Variants in UNC13B observed in about 807,000 individuals in gnomAD.
The protein encoded by UNC13B is protein unc-13 homolog B.
Under a neutral mutation model 211.0 loss-of-function variants are expected in UNC13B, and 144 were observed. The ratio of observed to expected loss-of-function variants is 0.68; its 90% CI spans 0.60 to 0.78. UNC13B has a LOEUF of 0.78. UNC13B is among the 30% of genes least tolerant of loss of function. The pLI, the probability that UNC13B is intolerant of heterozygous loss-of-function variation, is 0.00. For synonymous variants in UNC13B, 709 were observed against 725.8 expected, an observed-to-expected ratio of 0.98 and a Z score of 0.37; for missense variants, 1,777 against 2,002.0, an observed-to-expected ratio of 0.89 and a Z score of 2.14.
chr9:35,275,702 C>T (rs1008210296), intron 7 of UNC13B, among the ~76,000 whole-genome samples: 1 of 152,048 alleles, frequency 6.6e-6, no homozygotes, highest in African/African-American at 2.4e-5. Flanking sequence ...AAGTGATTCC[C>T]CTTCCTCAAC....
rs116072913 is a variant in UNC13B at position 35,162,124 on chromosome 9, G to A, written c.-160G>A. The A allele has an allele frequency of 6.2e-4, 683 of 1,105,100 alleles. 5 individuals carry two copies. In the African/African-American group the frequency reaches 9.9e-3, roughly 16 times the overall value. The allele number at this position is 1,105,100 out of a possible 1,614,324, so 68.5% of individuals were successfully genotyped here. On this transcript the variant is annotated 5_prime_UTR_variant, in exon 1 of 40. Coordinates refer to ENST00000635942, the MANE Select transcript of UNC13B (RefSeq NM_001371189.2). ...TCGCTCAGACGGTGAGATTTGGGGCGGGTCCGAGGCAGCGGCGGGACGCTA... is the reference window on the plus strand; with the variant it reads ...TCGCTCAGACGGTGAGATTTGGGGCAGGTCCGAGGCAGCGGCGGGACGCTA...
At chr9:35,326,612 C>G (rs746972837) in intron 11 of UNC13B, among the ~76,000 whole-genome samples, 6 of 152,152 alleles carry the variant, frequency 3.9e-5, no homozygotes, top group Non-Finnish European at 7.4e-5. Flanking sequence ...TGGTCTTCAA[C>G]TTCTGGGCTC....
Position 35,302,282 on chromosome 9 carries a change from G to A in UNC13B, c.2878G>A (p.Asp960Asn). The A allele has an allele frequency of 2.5e-6, 1 of 398,632 alleles. No individual in the cohort carries two copies. Among genetic ancestry groups the A allele is most frequent in the Non-Finnish European group, 4.4e-6 (1 of 225,772 alleles). 24.7% of individuals were successfully genotyped at this position (398,632 alleles called of 1,614,324 possible). Residue 960 changes from aspartate (D) to asparagine (N), a missense_variant, in exon 9 of 40, where the codon GAT (aspartate) becomes AAT (asparagine). Physicochemically the swap from Asp to Asn is conservative, Grantham distance 23. Coordinates refer to ENST00000635942, the MANE Select transcript of UNC13B (RefSeq NM_001371189.2). ...GAATGACCAGATAAATTGTCCTGAA[G>A]ATGCCAAACTTAATTCAATAAAATC... ...KKNDQINCPE[D>N]AKLNSIKSSS...
At chr9:35,378,153 A>G in intron 16 of UNC13B, 142 bp from the exon 17 acceptor site, 1 of 1,234,360 alleles carries the variant, frequency 8.1e-7, no homozygotes, top group Non-Finnish European at 1.1e-6. Context: ...CTGGTGGCCC[A>G]GGACAAAGAA....
At chr9:35,218,884 G>C (rs536800178) in intron 1 of UNC13B, among the ~76,000 whole-genome samples, 2 of 151,932 alleles carry the variant, frequency 1.3e-5, no homozygotes, top group Non-Finnish European at 2.9e-5. Context: ...TGAGTAGCTG[G>C]GATTACAGGC....
chr9:35,184,804 G>C (rs1267020672), intron 1 of UNC13B, among the ~76,000 whole-genome samples: 1 of 448 alleles, frequency 2.2e-3, no homozygotes, highest in African/African-American at 8.5e-3. Context: ...AAAGAAGCGG[G>C]GGGGGGGGGG....
intron 11 of UNC13B, among the ~76,000 whole-genome samples, chr9:35,365,649 C>T (rs1385045781): frequency 6.6e-6 from 1 of 151,970 alleles, no homozygotes; most frequent in African/African-American, 2.4e-5. Flanking sequence ...TGTTATTTCC[C>T]ACCTACTGTT....
At chr9:35,243,408 C>T (rs761584188) in intron 6 of UNC13B, 44 bp downstream of exon 6, 1 of 1,600,318 alleles carries the variant, frequency 6.2e-7, no homozygotes, top group Non-Finnish European at 8.6e-7. Flanking sequence ...GGGGGAAAAT[C>T]TCCAATGCTC....
At chr9:35,185,998 C>G (rs192599478) in intron 1 of UNC13B, among the ~76,000 whole-genome samples, 2 of 151,612 alleles carry the variant, frequency 1.3e-5, no homozygotes, top group African/African-American at 4.8e-5. Context: ...GGACCTCCCC[C>G]CTTGGCCAAG....
At chr9:35,322,330 G>A (rs1028708033) in intron 11 of UNC13B, among the ~76,000 whole-genome samples, 8 of 152,102 alleles carry the variant, frequency 5.3e-5, no homozygotes, top group Non-Finnish European at 1.0e-4. Context: ...CTCTAGAAAC[G>A]GAGATTGCGG....
Position 35,380,504 on chromosome 9 carries a change from C to T in UNC13B, c.10240C>T (p.Arg3414Cys), listed in dbSNP as rs774827252. The T allele has an allele frequency of 8.7e-6, 14 of 1,613,974 alleles. No individual in the cohort carries two copies. The highest frequency in any genetic ancestry group is 1.6e-4 in the Middle Eastern group (1 of 6,082). The change falls in exon 18 of 40, where the codon CGT becomes TGT. Residue 3414 changes from arginine (R) to cysteine (C), a missense_variant. By Grantham distance (180) the Arg-to-Cys change is radical. Coordinates refer to ENST00000635942, the MANE Select transcript of UNC13B (RefSeq NM_001371189.2). ...CHNSSDRIKV[R>C]VWDEDDDIKS... ...CAACTCCTCTGACCGCATTAAGGTG[C>T]GTGTATGGGATGAGGATGATGACAT...
intron 37 of UNC13B, among the ~76,000 whole-genome samples, chr9:35,402,290 T>C (rs1255085572): frequency 4.0e-5 from 6 of 150,598 alleles, no homozygotes; most frequent in Admixed American, 6.6e-5. Flanking sequence ...TTCTTTTTTT[T>C]TTTTTTTTTG....
At chr9:35,172,663 T>C (rs1821395720) in intron 1 of UNC13B, among the ~76,000 whole-genome samples, 2 of 152,318 alleles carry the variant, frequency 1.3e-5, no homozygotes, top group East Asian at 3.9e-4. Flanking sequence ...TTGTTATCTT[T>C]AGTAAAAATG....
chr9:35,260,422 A>G (rs2131633268), intron 7 of UNC13B, among the ~76,000 whole-genome samples: 1 of 152,320 alleles, frequency 6.6e-6, no homozygotes, highest in East Asian at 1.9e-4. Context: ...CATAGCTAGT[A>G]ACTGGTGAAG....
intron 7 of UNC13B, among the ~76,000 whole-genome samples, chr9:35,291,324 C>A (rs1469021025): frequency 6.6e-6 from 1 of 152,102 alleles, no homozygotes; most frequent in Admixed American, 6.6e-5. Flanking sequence ...AAATTTCAAA[C>A]CAAAGTCCCA....
At position 35,247,131 on chromosome 9, in the gene UNC13B, C is replaced by A. The variant is rs539866646; in HGVS notation, c.468+3767C>A. 1.7e-4 allele frequency among the ~76,000 whole-genome samples: 26 copies of A among 152,202 alleles called. No homozygotes were observed. In the East Asian group the frequency reaches 3.7e-3, roughly 21 times the overall value. On this transcript the variant is annotated intron_variant, in intron 6 of 39. Coordinates refer to ENST00000635942, the MANE Select transcript of UNC13B (RefSeq NM_001371189.2). ...TTTGAAGCAACTGTGAATGGGAGTT[C>A]ACTCATGATTTGGCTCTCTGTTTGT...
intron 7 of UNC13B, among the ~76,000 whole-genome samples, chr9:35,292,851 C>T (rs1353296804): frequency 1.3e-5 from 2 of 152,248 alleles, no homozygotes; most frequent in Non-Finnish European, 2.9e-5. Context: ...ACCAAACCTG[C>T]ACTCAGTTTC....
At chr9:35,224,896 G>C (rs1050224292) in intron 1 of UNC13B, among the ~76,000 whole-genome samples, 2 of 151,724 alleles carry the variant, frequency 1.3e-5, no homozygotes, top group African/African-American at 4.8e-5. Context: ...CAATAAATGC[G>C]ATACATCACA....
chr9:35,254,949 T>A (rs959576191), intron 6 of UNC13B, among the ~76,000 whole-genome samples: 4 of 119,160 alleles, frequency 3.4e-5, no homozygotes, highest in East Asian at 4.7e-4. Flanking sequence ...TTAATATATG[T>A]ATATAATATA....
Sources: gnomAD v4.1 joint callset for allele counts (sites outside exome capture counted in the v4.1 genomes callset) on GRCh38, gnomAD v4.1.1 for gene constraint, MANE v1.5 for transcripts, NCBI Gene and HGNC (gene_info 2026-07-23, HGNC 2026-07-21) for gene names.